The following NMBR variants were observed in gnomAD, a reference collection of about 807,000 sequenced individuals.
NMBR encodes the protein neuromedin B receptor, also known as neuromedin-B receptor.
A neutral mutation model predicts 20.5 loss-of-function variants in NMBR; 16 were observed. The ratio of observed to expected loss-of-function variants is 0.78; its 90% confidence interval spans 0.53 to 1.19. NMBR has a LOEUF of 1.19. Ranked by LOEUF, NMBR falls within the 50% of genes most tolerant of loss-of-function variation. The pLI is 0.00. For missense variants in NMBR, 582 were observed against 499.1 expected (o/e 1.17, Z -1.58); for synonymous variants, 212 against 196.6 (o/e 1.08, Z -0.65).
intron 1 of NMBR, chr6:142,133,305 T>C: frequency 4.3e-6 from 2 of 462,722 alleles, no homozygotes; most frequent in East Asian, 6.3e-5. Flanking sequence ...TGGAGAATAC[T>C]GTTAAGTGTC....
chr6:142,078,565 G>A lies in NMBR; in HGVS notation c.761C>T (p.Thr254Ile). The change falls in exon 3 of 4, where the codon ACC becomes ATC. Residue 254 changes from threonine to isoleucine, a missense_variant. By Grantham distance (89) the Thr-to-Ile change is moderately conservative. Transcript: ENST00000258042. Reference protein sequence around the residue: ...HNLPGEYNEHTKKQMETRKRL... With the variant: ...HNLPGEYNEHIKKQMETRKRL... ...GCCTACTAAGCTTACCTGTTTTTTG[G>A]TATGTTCATTGTATTCTCCAGGAAG... The A allele has an allele frequency of 1.9e-6, 3 of 1,579,186 alleles. No individual in the cohort carries two copies. Among genetic ancestry groups the A allele is most frequent in the South Asian group, 1.2e-5 (1 of 86,566 alleles).
At chr6:142,120,919 C>T (rs1777935142) in intron 1 of NMBR, among the ~76,000 whole-genome samples, 1 of 151,890 alleles carries the variant, frequency 6.6e-6, no homozygotes, top group Admixed American at 6.6e-5. Flanking sequence ...TTTTATTGTC[C>T]TTTGCAGATA....
At chr6:142,115,710 A>G (rs1777840969) in intron 1 of NMBR, among the ~76,000 whole-genome samples, 1 of 152,030 alleles carries the variant, frequency 6.6e-6, no homozygotes, top group South Asian at 2.1e-4. Flanking sequence ...TCCCGTGAAC[A>G]ATAGTTGTTT....
intron 1 of NMBR, among the ~76,000 whole-genome samples, chr6:142,091,091 T>C (rs2114569502): frequency 6.6e-6 from 1 of 152,330 alleles, no homozygotes; most frequent in Non-Finnish European, 1.5e-5. Flanking sequence ...TTTGGTATTT[T>C]ATTAAAATGT....
intron 1 of NMBR, chr6:142,134,470 A>G (rs936437283): frequency 2.2e-6 from 1 of 458,214 alleles, no homozygotes; most frequent in African/African-American, 2.0e-5. Context: ...GGGTTTTTTT[A>G]GTGTATTTTA....
intron 1 of NMBR, among the ~76,000 whole-genome samples, chr6:142,109,452 C>T (rs1777719972): frequency 6.7e-6 from 1 of 149,428 alleles, no homozygotes; most frequent in South Asian, 2.1e-4. Context: ...TATATATAAT[C>T]AGTGTGTAAG....
intron 1 of NMBR, among the ~76,000 whole-genome samples, chr6:142,129,756 G>A (rs1778106426): frequency 6.6e-6 from 1 of 152,076 alleles, no homozygotes; most frequent in African/African-American, 2.4e-5. Context: ...TGTATAACAA[G>A]GAGACCATAG....
chr6:142,145,020 T>TAAAAAAAAAAAAAAAA (rs34522158), intron 1 of NMBR, among the ~76,000 whole-genome samples: 2 of 97,522 alleles, frequency 2.1e-5, no homozygotes, highest in Non-Finnish European at 3.9e-5. Flanking sequence ...AGAACCTGTC[T>TAAAAAAAAAAAAAAAA]AAAAAAAAAA....
chr6:142,097,356 A>C (rs900079904), intron 1 of NMBR, among the ~76,000 whole-genome samples: 1 of 152,130 alleles, frequency 6.6e-6, no homozygotes, highest in Non-Finnish European at 1.5e-5. Flanking sequence ...GAGATCTTTT[A>C]GGGTAGGCCT....
rs767242114 is a variant in NMBR at position 142,075,715 on chromosome 6, G to T, written c.1106C>A (p.Ala369Asp). Residue 369 changes from alanine to aspartate, a missense_variant, in exon 4 of 4, where the codon GCT (alanine) becomes GAT (aspartate). Coordinates refer to ENST00000258042, the MANE Select transcript of NMBR (RefSeq NM_002511.4). Reference sequence around the variant, plus strand: ...AACAGAATTGGTCACCATGTTCTTAGCATTGCTTTTCAGAGATGTCATACG... The same window carrying T: ...AACAGAATTGGTCACCATGTTCTTATCATTGCTTTTCAGAGATGTCATACG... ...AVRMTSLKSN[A>D]KNMVTNSVLL... 6.2e-6 allele frequency: 10 copies of T among 1,613,820 alleles called. No individual in the cohort carries two copies. The highest frequency in any genetic ancestry group is 1.3e-5 in the African/African-American group (1 of 74,906).
At chr6:142,099,030 A>C (rs940573776) in intron 1 of NMBR, among the ~76,000 whole-genome samples, 6 of 152,188 alleles carry the variant, frequency 3.9e-5, no homozygotes, top group Admixed American at 6.5e-5. Flanking sequence ...GCTCTTTGAC[A>C]AGGAACCAAA....
At chr6:142,103,888 C>A (rs1283023613) in intron 1 of NMBR, among the ~76,000 whole-genome samples, 1 of 152,144 alleles carries the variant, frequency 6.6e-6, no homozygotes, top group African/African-American at 2.4e-5. Flanking sequence ...CTTACCCAGT[C>A]CAAATCATAT....
intron 1 of NMBR, among the ~76,000 whole-genome samples, chr6:142,136,119 A>C (rs538023937): frequency 7.6e-4 from 115 of 152,300 alleles, no homozygotes; most frequent in African/African-American, 2.6e-3. Context: ...CCAACAGTGT[A>C]AAAGTGTTCC....
intron 1 of NMBR, among the ~76,000 whole-genome samples, chr6:142,094,978 C>A (rs950899538): frequency 1.3e-5 from 2 of 152,140 alleles, no homozygotes; most frequent in Non-Finnish European, 2.9e-5. Context: ...TATAAGAATG[C>A]TTGTGATTTT....
chr6:142,121,207 T>C (rs1777938507), intron 1 of NMBR, among the ~76,000 whole-genome samples: 1 of 151,964 alleles, frequency 6.6e-6, no homozygotes, highest in Non-Finnish European at 1.5e-5. Context: ...CTTACTGCTC[T>C]ACCAATTGGC....
chr6:142,113,082 T>C (rs1296561768), intron 1 of NMBR, among the ~76,000 whole-genome samples: 3 of 152,072 alleles, frequency 2.0e-5, no homozygotes, highest in Admixed American at 6.6e-5. Context: ...ATTTTTTAAA[T>C]GCTACAACTA....
chr6:142,134,814 C>A (rs920752592), intron 1 of NMBR: 16 of 670,682 alleles, frequency 2.4e-5, no homozygotes, highest in Middle Eastern at 2.4e-4. Context: ...TTGAAAAAAC[C>A]ATTTTTCTCA....
At chr6:142,110,397 A>C (rs1487545532) in intron 1 of NMBR, among the ~76,000 whole-genome samples, 1 of 152,262 alleles carries the variant, frequency 6.6e-6, no homozygotes, top group Non-Finnish European at 1.5e-5. Flanking sequence ...GCATTAAAAA[A>C]GAATCAATAA....
At chr6:142,135,466 A>G (rs1323096707) in intron 1 of NMBR, among the ~76,000 whole-genome samples, 1 of 152,122 alleles carries the variant, frequency 6.6e-6, no homozygotes, top group Non-Finnish European at 1.5e-5. Context: ...TTACATTTTT[A>G]AAATTTTATT....
Sources: allele counts gnomAD v4.1 joint callset (sites outside exome capture counted in the v4.1 genomes callset), GRCh38; gene constraint gnomAD v4.1.1; transcripts MANE v1.5; gene names NCBI Gene and HGNC (gene_info 2026-07-23, HGNC 2026-07-21).